EDN3: variants seen among roughly 807,000 people sequenced by gnomAD.
The protein encoded by EDN3 is endothelin-3.
A neutral mutation model predicts 21.4 loss-of-function variants in EDN3; 9 were observed. The observed-to-expected ratio is 0.42, with a 90% CI of 0.25 to 0.73. The LOEUF (loss-of-function observed/expected upper bound fraction) is 0.73, where lower values mean the gene tolerates loss of function less well. Among genes scored for constraint, EDN3 ranks in the 30% least tolerant of loss-of-function variants. EDN3 has a pLI of 0.26. For synonymous variants in EDN3, 133 were observed against 126.2 expected, an observed-to-expected ratio of 1.05 and a Z score of -0.36; for missense variants, 327 against 309.4, an observed-to-expected ratio of 1.06 and a Z score of -0.43.
chr20:59,322,600 G>C lies in EDN3; in HGVS notation c.588+183G>C. Reference sequence around the variant, plus strand: ...CTTTGGTGGACCGTTTCTGGGGGCAGAGCGGGCTGAAGCTGTGGACAGCTG... The same window carrying C: ...CTTTGGTGGACCGTTTCTGGGGGCACAGCGGGCTGAAGCTGTGGACAGCTG... On this transcript the variant is annotated intron_variant, in intron 4 of 4. Transcript: ENST00000337938. This position sits in a 1 kb window ranked among gnomAD's most constrained non-coding sequence, Gnocchi z 4.1. 2 of 837,572 alleles carry C rather than the reference G, an allele frequency of 2.4e-6. No homozygotes were observed. The highest frequency in any genetic ancestry group is 4.0e-6 in the Non-Finnish European group (2 of 504,672). The allele number at this position is 837,572 out of a possible 1,614,324, so 51.9% of individuals were successfully genotyped here.
intron 2 of EDN3, 55 bp downstream of exon 2, chr20:59,301,777 C>CTCAT: frequency 6.3e-7 from 1 of 1,588,404 alleles, no homozygotes; most frequent in Non-Finnish European, 8.6e-7. Context: ...CCCACATCTG[C>CTCAT]TCATTCCCAG....
intron 1 of EDN3, among the ~76,000 whole-genome samples, chr20:59,301,068 C>A (rs1040878336): frequency 7.2e-5 from 11 of 152,156 alleles, no homozygotes; most frequent in Admixed American, 1.3e-4. Context: ...AGTTGCAGCC[C>A]GCGCACTGGC....
intron 2 of EDN3, among the ~76,000 whole-genome samples, chr20:59,317,038 T>C (rs1016221409): frequency 6.6e-6 from 1 of 152,236 alleles, no homozygotes; most frequent in African/African-American, 2.4e-5. Context: ...TATAGAGCGG[T>C]AGGCCCCAGC....
chr20:59,322,319 C>T lies in EDN3; in HGVS notation c.543-53C>T. The T allele has an allele frequency of 6.2e-7, 1 of 1,608,504 alleles. No individual in the cohort carries two copies. ...GAAGTCATAATTTGACACCGAAAAACCAGCCACAGGGAAAGGCAGGTTGAT... is the reference window on the plus strand; with the variant it reads ...GAAGTCATAATTTGACACCGAAAAATCAGCCACAGGGAAAGGCAGGTTGAT... On this transcript the variant is annotated intron_variant, in intron 3 of 4. Coordinates refer to ENST00000337938, the MANE Select transcript of EDN3 (RefSeq NM_207034.3). This position sits in a 1 kb window ranked among gnomAD's most constrained non-coding sequence, Gnocchi z 4.1.
At chr20:59,306,595 T>TAAAAAAA (rs57144708) in intron 2 of EDN3, among the ~76,000 whole-genome samples, 79 of 62,184 alleles carry the variant, frequency 1.3e-3, no homozygotes, top group East Asian at 2.3e-3. Context: ...GCATAAAGAG[T>TAAAAAAA]AAAAAAAAAA....
chr20:59,307,369 T>A (rs1989500943), intron 2 of EDN3, among the ~76,000 whole-genome samples: 1 of 152,252 alleles, frequency 6.6e-6, no homozygotes, highest in Admixed American at 6.5e-5. Context: ...GATGCTATTG[T>A]CCCTGTAGTT....
intron 2 of EDN3, among the ~76,000 whole-genome samples, chr20:59,310,025 T>C (rs1270992255): frequency 6.6e-6 from 1 of 152,152 alleles, no homozygotes; most frequent in Non-Finnish European, 1.5e-5. Flanking sequence ...AAAGGGCCAT[T>C]ACAGTGAGGA....
intron 2 of EDN3, among the ~76,000 whole-genome samples, chr20:59,314,164 G>A (rs1395131311): frequency 1.3e-5 from 2 of 152,178 alleles, no homozygotes; most frequent in African/African-American, 4.8e-5. Flanking sequence ...ACATTTCACA[G>A]TGCACACACT....
At chr20:59,319,336 G>A (rs1242892674) in intron 2 of EDN3, among the ~76,000 whole-genome samples, 1 of 152,104 alleles carries the variant, frequency 6.6e-6, no homozygotes, top group Non-Finnish European at 1.5e-5. Flanking sequence ...GGGCTTCCTG[G>A]CCCAATTTGC....
At chr20:59,316,923 A>C (rs1990222916) in intron 2 of EDN3, among the ~76,000 whole-genome samples, 1 of 152,184 alleles carries the variant, frequency 6.6e-6, no homozygotes, top group South Asian at 2.1e-4. Flanking sequence ...TAATCTTCTC[A>C]CCTGCTTTTC....
intron 2 of EDN3, among the ~76,000 whole-genome samples, chr20:59,319,726 C>CAAAAAAAA (rs528500611): frequency 1.9e-5 from 1 of 52,360 alleles, no homozygotes; most frequent in Non-Finnish European, 4.4e-5. Flanking sequence ...GACTCTGTCT[C>CAAAAAAAA]AAAAAAAAAA....
chr20:59,317,029 A>G (rs959268521), intron 2 of EDN3, among the ~76,000 whole-genome samples: 8 of 152,242 alleles, frequency 5.3e-5, no homozygotes, highest in Non-Finnish European at 1.0e-4. Flanking sequence ...CCGTTGTATT[A>G]TAGAGCGGTA....
At chr20:59,321,447 A>T (rs912340147) in intron 3 of EDN3, among the ~76,000 whole-genome samples, 42 of 152,218 alleles carry the variant, frequency 2.8e-4, no homozygotes, top group African/African-American at 9.9e-4. Flanking sequence ...CCGTGGCTAC[A>T]TCTGGTTTCC....
At chr20:59,323,741 T>A (rs577704900) in intron 4 of EDN3, 2 of 404,326 alleles carry the variant, frequency 4.9e-6, no homozygotes, top group Non-Finnish European at 8.7e-6. Context: ...AACCGGTGAG[T>A]GCAAACGCCC....
intron 2 of EDN3, among the ~76,000 whole-genome samples, chr20:59,309,406 CA>C (rs949759995): frequency 6.6e-6 from 1 of 152,220 alleles, no homozygotes; most frequent in Non-Finnish European, 1.5e-5. Context: ...CTTCTGACTT[CA>C]CCCAGCATTG....
At chr20:59,300,924 G>T (rs1019017119) in intron 1 of EDN3, 60 bp downstream of exon 1, 1 of 1,582,902 alleles carries the variant, frequency 6.3e-7, no homozygotes, top group Non-Finnish European at 8.6e-7. Flanking sequence ...GACCCAGGGC[G>T]GGGGACCCGA....
At position 59,322,359 on chromosome 20, in the gene EDN3, T is replaced by G. The variant is rs541847608; in HGVS notation, c.543-13T>G. Reference sequence around the variant, plus strand: ...GGCAGGTTGATTGATTAAAACCAGCTCTCTCCCCACAGTAATTCAAGGACG... The same window carrying G: ...GGCAGGTTGATTGATTAAAACCAGCGCTCTCCCCACAGTAATTCAAGGACG... On this transcript the variant is annotated splice_polypyrimidine_tract_variant and intron_variant, in intron 3 of 4. Transcript: ENST00000337938. This position sits in a 1 kb window ranked among gnomAD's most constrained non-coding sequence, Gnocchi z 4.1. 1.2e-6 allele frequency: 2 copies of G among 1,613,866 alleles called. No individual in the cohort carries two copies. The highest frequency in any genetic ancestry group is 1.3e-5 in the African/African-American group (1 of 74,898).
In EDN3 at chr20:59,305,075, G is replaced by A. The variant is rs182642205; in HGVS notation, c.365+3353G>A. On this transcript the variant is annotated intron_variant, in intron 2 of 4. Transcript: ENST00000337938. The surrounding 1 kb of genome is among the most constrained non-coding windows in gnomAD (Gnocchi z 4.2). ...AGGGGTGGGCAAGAGAGTTTTTCTTGGGGATGTTGCCCATAACTTCTGTGA... is the reference window on the plus strand; with the variant it reads ...AGGGGTGGGCAAGAGAGTTTTTCTTAGGGATGTTGCCCATAACTTCTGTGA... Among the ~76,000 whole-genome samples the A allele has an allele frequency of 1.1e-3, 166 of 152,280 alleles. 1 individual carries two copies. The highest frequency in any genetic ancestry group is 3.8e-3 in the African/African-American group (156 of 41,566).
intron 2 of EDN3, among the ~76,000 whole-genome samples, chr20:59,314,641 T>G (rs1049626389): frequency 1.3e-5 from 2 of 151,906 alleles, no homozygotes; most frequent in Non-Finnish European, 2.9e-5. Flanking sequence ...CCAGTTTAGG[T>G]CTCCTGACCA....
Sources: gnomAD v4.1 joint callset for allele counts (sites outside exome capture counted in the v4.1 genomes callset) on GRCh38, gnomAD v4.1.1 for gene constraint, Gnocchi (gnomAD v3.1) non-coding constraint, MANE v1.5 for transcripts, NCBI Gene and HGNC (gene_info 2026-07-23, HGNC 2026-07-21) for gene names.